The following DENND5B variants were observed in gnomAD, a reference collection of about 807,000 sequenced individuals.
The protein encoded by DENND5B is DENN domain containing 5B, also known as DENN domain-containing protein 5B.
In DENND5B, 34 loss-of-function variants were observed where a neutral mutation model predicts 140.6. That is an observed-to-expected ratio of 0.24 (90% CI 0.18 to 0.32). The LOEUF (loss-of-function observed/expected upper bound fraction) is 0.32, where lower values mean the gene tolerates loss of function less well. Among genes scored for constraint, DENND5B ranks in the 10% least tolerant of loss-of-function variants. The pLI is 1.00. For synonymous variants in DENND5B, 551 were observed against 562.1 expected (o/e 0.98, Z 0.28); for missense variants, 1,142 against 1,560.2 (o/e 0.73, Z 4.52).
At chr12:31,445,442 G>A (rs953116708) in intron 6 of DENND5B, among the ~76,000 whole-genome samples, 6 of 152,178 alleles carry the variant, frequency 3.9e-5, no homozygotes, top group Admixed American at 1.3e-4. Context: ...GATGGCTCAT[G>A]CCTGTAATCC....
chr12:31,490,607 T>C (rs1472271799), intron 2 of DENND5B, among the ~76,000 whole-genome samples: 2 of 114,348 alleles, frequency 1.7e-5, no homozygotes, highest in African/African-American at 3.3e-5. Context: ...TCAGAACCTG[T>C]CTCAAGAAAA....
chr12:31,457,318 T>C (rs1414545628), intron 4 of DENND5B, among the ~76,000 whole-genome samples: 1 of 152,226 alleles, frequency 6.6e-6, no homozygotes, highest in East Asian at 1.9e-4. Context: ...TACTTGTGGG[T>C]ATCACTCTTA....
intron 1 of DENND5B, among the ~76,000 whole-genome samples, chr12:31,552,254 T>C (rs986347488): frequency 2.0e-5 from 3 of 152,168 alleles, no homozygotes; most frequent in Non-Finnish European, 4.4e-5. Flanking sequence ...ACCTAATTTA[T>C]AGAGAGTTTT....
At chr12:31,501,549 G>A (rs71455670) in intron 1 of DENND5B, among the ~76,000 whole-genome samples, 19,325 of 152,176 alleles carry the variant, frequency 0.13, 1,559 homozygotes, top group Non-Finnish European at 0.18. Context: ...CAAGGAAGGC[G>A]GATCACCTGA....
chr12:31,404,020 T>A (rs708196), intron 14 of DENND5B, among the ~76,000 whole-genome samples: 87,505 of 151,736 alleles, frequency 0.58, 25,733 homozygotes, highest in East Asian at 0.82. Context: ...CAGGAGTTCA[T>A]GACCAGCCTG....
intron 17 of DENND5B, among the ~76,000 whole-genome samples, chr12:31,396,011 C>T (rs1177290547): frequency 2.8e-5 from 4 of 145,274 alleles, no homozygotes; most frequent in Non-Finnish European, 6.0e-5. Context: ...AGGGGAAAAT[C>T]CCTTCCTTGC....
intron 15 of DENND5B, among the ~76,000 whole-genome samples, chr12:31,400,853 T>TG (rs1389045780): frequency 9.7e-4 from 147 of 151,546 alleles, no homozygotes; most frequent in Admixed American, 9.0e-3. Context: ...TTTTTTTGTT[T>TG]TTTTTTTAGA....
rs370792842 is a variant in DENND5B, at chr12:31,462,352, C to T, written c.905-1971G>A. On this transcript the variant is annotated intron_variant, in intron 3 of 20. Coordinates refer to ENST00000389082, the MANE Select transcript of DENND5B (RefSeq NM_144973.4). ...CAATATGGGTCTTTTATCCCAGGGG[C>T]GGGGGCGGGGTGAGGATGAAAAGCT... 1.4e-3 allele frequency among the ~76,000 whole-genome samples: 18 copies of T among 12,898 alleles called. No homozygotes were observed. The East Asian group carries it at 0.035, about 25-fold the overall frequency. The allele number at this position is 12,898 out of a possible 152,430, so 8.5% of individuals were successfully genotyped here. A position where few individuals can be genotyped will look rare whatever the true frequency, so the allele number is the denominator to read the frequency against.
chr12:31,406,871 C>T (rs1942150995), intron 14 of DENND5B, among the ~76,000 whole-genome samples: 1 of 152,064 alleles, frequency 6.6e-6, no homozygotes. Context: ...GTGATCTTGG[C>T]TCACTGCAAC....
rs762918894 is a variant in DENND5B, at chr12:31,392,263, T to C, written c.3466+4A>G. On this transcript the variant is annotated splice_donor_region_variant and intron_variant, in intron 19 of 20. Transcript: ENST00000389082. ...TTAATGTAATACACATCTACTTTATTTACCTATGAAGTCCCAGATGAAGAC... is the reference window on the plus strand; with the variant it reads ...TTAATGTAATACACATCTACTTTATCTACCTATGAAGTCCCAGATGAAGAC... The C allele has an allele frequency of 6.2e-7, 1 of 1,613,824 alleles. No individual in the cohort carries two copies. Among genetic ancestry groups the C allele is most frequent in the Non-Finnish European group, 8.5e-7 (1 of 1,179,824 alleles).
chr12:31,415,464 T>C lies in DENND5B; in HGVS notation c.2471-16A>G, dbSNP rs2137593956. 1 of 1,570,110 alleles carries C rather than the reference T, an allele frequency of 6.4e-7. No homozygotes were observed. Among genetic ancestry groups the C allele is most frequent in the East Asian group, 2.3e-5 (1 of 43,136 alleles). ...CCGAGGGCAACTATGTAGAAAAATA[T>C]CAACAAAATATTAGAAAAGTAATAA... is the stretch of plus-strand genomic sequence containing the variant. On this transcript the variant is annotated splice_polypyrimidine_tract_variant and intron_variant, in intron 11 of 20. Transcript: ENST00000389082.
At chr12:31,421,070 G>A (rs1188801253) in intron 11 of DENND5B, among the ~76,000 whole-genome samples, 1 of 152,088 alleles carries the variant, frequency 6.6e-6, no homozygotes, top group African/African-American at 2.4e-5. Flanking sequence ...TTGACATGGA[G>A]TCTCACTTCA....
rs763131687 is a variant in DENND5B at position 31,413,510 on chromosome 12, C to T, written c.2607G>A (p.Trp869Ter). The T allele has an allele frequency of 6.2e-7, 1 of 1,613,840 alleles. No individual in the cohort carries two copies. Residue 869 changes from tryptophan to a stop codon, truncating the protein, a stop_gained, in exon 13 of 21, where the codon TGG becomes TGA. Coordinates refer to ENST00000389082, the MANE Select transcript of DENND5B (RefSeq NM_144973.4). LOFTEE classifies it high-confidence loss of function. ...IKTDVGRARA[W>*]IRLSLEKKLL... ...GCTTCTTTTCTAGAGACAGTCTTAT[C>T]CACGCCCGAGCTCGTCCAACATCAG...
In DENND5B at chr12:31,398,541, A is replaced by AT. The variant is rs1421021837; in HGVS notation, c.3069-180dup. Among the ~76,000 whole-genome samples the AT allele has an allele frequency of 4.6e-5, 7 of 152,060 alleles. No individual in the cohort carries two copies. The East Asian group carries it at 1.4e-3, about 29-fold the overall frequency. On this transcript the variant is annotated intron_variant, in intron 16 of 20. Transcript: ENST00000389082. ...GGTCTTGAACTCTTGGCCTCAAGTG[A>AT]TCCCCCCATCTCAGTCTCTCAAAGT...
At chr12:31,465,540 G>T (rs1945223997) in intron 3 of DENND5B, 1 of 152,158 alleles carries the variant, frequency 6.6e-6, no homozygotes, top group Non-Finnish European at 1.5e-5. Flanking sequence ...GCTAATTTTT[G>T]TATTTTTGTA....
intron 1 of DENND5B, among the ~76,000 whole-genome samples, chr12:31,563,004 A>G (rs1018384173): frequency 2.6e-5 from 4 of 151,940 alleles, no homozygotes; most frequent in African/African-American, 7.3e-5. Flanking sequence ...TTTCTGCACA[A>G]TAACTGCACC....
chr12:31,587,401 A>G (rs567965736), intron 1 of DENND5B, among the ~76,000 whole-genome samples: 9 of 152,232 alleles, frequency 5.9e-5, no homozygotes, highest in African/African-American at 2.2e-4. Context: ...TACCATATTC[A>G]TAGAATTCAT....
At chr12:31,545,804 C>A (rs1397993457) in intron 1 of DENND5B, among the ~76,000 whole-genome samples, 3 of 151,628 alleles carry the variant, frequency 2.0e-5, no homozygotes, top group Non-Finnish European at 4.4e-5. Context: ...CAAAATAAAA[C>A]AAACATTAGC....
intron 1 of DENND5B, among the ~76,000 whole-genome samples, chr12:31,530,233 C>T (rs565966291): frequency 6.6e-6 from 1 of 152,150 alleles, no homozygotes; most frequent in Admixed American, 6.5e-5. Flanking sequence ...ATTAGCTGGG[C>T]GTGGTGGCCC....
Sources: allele counts gnomAD v4.1 joint callset (sites outside exome capture counted in the v4.1 genomes callset), GRCh38; gene constraint gnomAD v4.1.1; transcripts MANE v1.5; gene names NCBI Gene and HGNC (gene_info 2026-07-23, HGNC 2026-07-21).